CHD1: variants seen among roughly 807,000 people sequenced by gnomAD.
The protein encoded by CHD1 is ATP-dependent chromatin remodeler CHD1.
Under a neutral mutation model 224.2 loss-of-function variants are expected in CHD1, and 36 were observed. The ratio of observed to expected loss-of-function variants is 0.16; its 90% CI spans 0.12 to 0.21. CHD1 has a LOEUF of 0.21. Ranked by LOEUF, CHD1 falls within the 10% of genes least tolerant of loss-of-function variation. The pLI is 1.00. For missense variants in CHD1, 1,378 were observed against 1,994.8 expected, an observed-to-expected ratio of 0.69 and a Z score of 5.89; for synonymous variants, 668 against 658.3, an observed-to-expected ratio of 1.01 and a Z score of -0.23.
At chr5:98,906,715 G>C (rs1449552385) in intron 2 of CHD1, among the ~76,000 whole-genome samples, 2 of 152,160 alleles carry the variant, frequency 1.3e-5, no homozygotes, top group Admixed American at 6.5e-5. Flanking sequence ...ACACTTAGAA[G>C]AAAGTGCTGT....
chr5:98,882,642 A>G (rs1263521489), intron 19 of CHD1, among the ~76,000 whole-genome samples: 1 of 152,182 alleles, frequency 6.6e-6, no homozygotes, highest in East Asian at 1.9e-4. Flanking sequence ...TTCTCTAGGT[A>G]AAGGTTCAGT....
At position 98,902,887 on chromosome 5, in the gene CHD1, C is replaced by T; in HGVS notation, c.437+13G>A. ...TTCTAAAATGAAGTAGTCAGTTGAA[C>T]AAAATGACATACTCTTTATGCTTTT... is the stretch of plus-strand genomic sequence containing the variant. On this transcript the variant is annotated intron_variant, in intron 5 of 35. Transcript: ENST00000614616. 3 of 1,544,860 alleles carry T rather than the reference C, an allele frequency of 1.9e-6. No individual in the cohort carries two copies. The highest frequency in any genetic ancestry group is 2.7e-6 in the Non-Finnish European group (3 of 1,126,936).
intron 15 of CHD1, among the ~76,000 whole-genome samples, chr5:98,892,093 C>T (rs1751056366): frequency 6.6e-6 from 1 of 152,164 alleles, no homozygotes; most frequent in African/African-American, 2.4e-5. Context: ...AAAAGTCCTA[C>T]TGTATAGATC....
chr5:98,864,517 CAAAAAAAAAAAAA>C (rs67061692), intron 31 of CHD1, among the ~76,000 whole-genome samples: 10 of 58,136 alleles, frequency 1.7e-4, no homozygotes, highest in African/African-American at 5.0e-4. Flanking sequence ...GATTCTATAC[CAAAAAAAAAAAAA>C]AAAAAAAAAA....
At position 98,868,478 on chromosome 5, in the gene CHD1, G is replaced by A. The variant is rs1035516217; in HGVS notation, c.4248+17C>T. 2.1e-5 allele frequency: 33 copies of A among 1,587,238 alleles called. No homozygotes were observed. Among genetic ancestry groups the A allele is most frequent in the African/African-American group, 1.8e-4 (13 of 73,008 alleles). ...TTTTATGAGTTAATACTAATAATCA[G>A]AAAGTCTAAGGCTTACAATGCTGAA... On this transcript the variant is annotated intron_variant, in intron 31 of 35. Coordinates refer to ENST00000614616, the MANE Select transcript of CHD1 (RefSeq NM_001270.4).
chr5:98,874,589 G>A (rs1749606964), intron 25 of CHD1, among the ~76,000 whole-genome samples: 1 of 149,196 alleles, frequency 6.7e-6, no homozygotes, highest in Non-Finnish European at 1.5e-5. Context: ...GCATGCGCCT[G>A]TAGTCCCAGC....
intron 35 of CHD1, 69 bp from the exon 36 acceptor site, chr5:98,856,794 T>A: frequency 1.1e-6 from 1 of 946,540 alleles, no homozygotes; most frequent in Non-Finnish European, 1.6e-6. Flanking sequence ...AAAAGATAAC[T>A]AAAAAACATA....
chr5:98,897,094 A>G lies in CHD1; in HGVS notation c.1493+99T>C, dbSNP rs1477983138. On this transcript the variant is annotated intron_variant, in intron 11 of 35. Coordinates refer to ENST00000614616, the MANE Select transcript of CHD1 (RefSeq NM_001270.4). ...ACAAAGACTAGCATATAAACTGCCA[A>G]AGAGTCTTATTCTTTATGTAAATGG... 5.1e-6 allele frequency: 6 copies of G among 1,166,424 alleles called. No homozygotes were observed. In the East Asian group the frequency reaches 1.2e-4, roughly 23 times the overall value. The allele number at this position is 1,166,424 out of a possible 1,614,324, so 72.3% of individuals were successfully genotyped here. A position where few individuals can be genotyped will look rare whatever the true frequency, so the allele number is the denominator to read the frequency against.
chr5:98,884,167 G>A (rs1441617604), intron 18 of CHD1, among the ~76,000 whole-genome samples: 3 of 148,782 alleles, frequency 2.0e-5, no homozygotes, highest in Non-Finnish European at 4.5e-5. Context: ...TCCGCCTCCC[G>A]GGTTCACACC....
chr5:98,921,007 T>C (rs1366763922), intron 2 of CHD1, among the ~76,000 whole-genome samples: 1 of 151,778 alleles, frequency 6.6e-6, no homozygotes, highest in Non-Finnish European at 1.5e-5. Context: ...AATGGAAAAA[T>C]CAATGAAATC....
At chr5:98,865,032 A>G (rs1748754838) in intron 31 of CHD1, among the ~76,000 whole-genome samples, 1 of 152,188 alleles carries the variant, frequency 6.6e-6, no homozygotes, top group South Asian at 2.1e-4. Flanking sequence ...AAGAAATAGT[A>G]TGTCAGATGA....
intron 2 of CHD1, among the ~76,000 whole-genome samples, chr5:98,906,970 G>A (rs1315281146): frequency 6.6e-6 from 1 of 152,160 alleles, no homozygotes; most frequent in African/African-American, 2.4e-5. Context: ...ACACAGATGG[G>A]TGCTCAATAA....
At chr5:98,883,345 T>G (rs1750337386) in intron 18 of CHD1, 108 bp from the exon 19 acceptor site, 2 of 595,882 alleles carry the variant, frequency 3.4e-6, no homozygotes, top group South Asian at 3.1e-5. Flanking sequence ...CTAATAAACA[T>G]CTAGCAAGAC....
chr5:98,871,369 C>CAAAAAAAA (rs61406690), intron 28 of CHD1, among the ~76,000 whole-genome samples: 5 of 46,796 alleles, frequency 1.1e-4, no homozygotes, highest in Admixed American at 2.7e-4. Flanking sequence ...CCATTTTAGG[C>CAAAAAAAA]AAAAAAAAAA....
intron 7 of CHD1, among the ~76,000 whole-genome samples, chr5:98,900,223 A>C (rs943525340): frequency 6.6e-6 from 1 of 150,496 alleles, no homozygotes; most frequent in Non-Finnish European, 1.5e-5. Flanking sequence ...CGGAGCTTGC[A>C]GTGAGCTGAG....
rs1561524713 is a variant in CHD1 at position 98,898,249 on chromosome 5, T to A, written c.1365+7A>T. The A allele has an allele frequency of 6.9e-7, 1 of 1,443,906 alleles. No individual in the cohort carries two copies. Among genetic ancestry groups the A allele is most frequent in the Non-Finnish European group, 9.2e-7 (1 of 1,081,156 alleles). The allele number at this position is 1,443,906 out of a possible 1,614,324, so 89.4% of individuals were successfully genotyped here. On this transcript the variant is annotated splice_region_variant and intron_variant, in intron 10 of 35. Transcript: ENST00000614616. ...TTTAATAATTTAAAATGTTAGACAA[T>A]ACTCACTTTGCAATCTTTAAAAGGA...
chr5:98,880,041 C>T (rs1714336095), intron 22 of CHD1, among the ~76,000 whole-genome samples: 1 of 152,138 alleles, frequency 6.6e-6, no homozygotes, highest in Non-Finnish European at 1.5e-5. Flanking sequence ...GCTAAATAAT[C>T]TGCAGAAATT....
chr5:98,914,195 T>A (rs1264639838), intron 2 of CHD1, among the ~76,000 whole-genome samples: 2 of 152,090 alleles, frequency 1.3e-5, no homozygotes, highest in Non-Finnish European at 2.9e-5. Context: ...TTGCCTTAAA[T>A]CCTCCCCCTT....
intron 2 of CHD1, among the ~76,000 whole-genome samples, chr5:98,916,950 T>C (rs1056078285): frequency 2.6e-5 from 4 of 152,182 alleles, no homozygotes; most frequent in Non-Finnish European, 5.9e-5. Flanking sequence ...TTTACTAATG[T>C]AACTGAGGAC....
Sources: allele counts gnomAD v4.1 joint callset (sites outside exome capture counted in the v4.1 genomes callset), GRCh38; gene constraint gnomAD v4.1.1; transcripts MANE v1.5; gene names NCBI Gene and HGNC (gene_info 2026-07-23, HGNC 2026-07-21).